Variants in FARS2 observed in about 807,000 individuals in gnomAD.
FARS2 encodes phenylalanine--tRNA ligase, mitochondrial.
Under a neutral mutation model 46.4 loss-of-function variants are expected in FARS2, and 40 were observed. The ratio of observed to expected loss-of-function variants is 0.86; its 90% CI spans 0.67 to 1.12. The LOEUF (loss-of-function observed/expected upper bound fraction) is 1.12, where lower values mean the gene tolerates loss of function less well. FARS2 is among the 50% of genes most tolerant of loss of function. FARS2 has a pLI of 0.00. For missense variants in FARS2, 513 were observed against 567.9 expected (o/e 0.90, Z 0.98); for synonymous variants, 234 against 214.9 (o/e 1.09, Z -0.78).
rs557648675 is a variant in FARS2 at position 5,459,299 on chromosome 6, C to T, written c.904+28127C>T. 2.0e-4 allele frequency among the ~76,000 whole-genome samples: 31 copies of T among 152,294 alleles called. 2 individuals carry two copies. In the South Asian group the frequency reaches 6.2e-3, roughly 31 times the overall value. On this transcript the variant is annotated intron_variant, in intron 4 of 6. Transcript: ENST00000274680. ...GCTAAAAATGTTGGTATTTTCACAA[C>T]TCTTTTGGACAGAGTTCGTTGTTAG...
chr6:5,694,964 C>G (rs1308968018), intron 6 of FARS2: 1 of 152,216 alleles, frequency 6.6e-6, no homozygotes, highest in Non-Finnish European at 1.5e-5. Context: ...GAGCTATGCT[C>G]ACACTATTGC....
chr6:5,429,546 C>A (rs1763043226), intron 3 of FARS2, among the ~76,000 whole-genome samples: 1 of 152,150 alleles, frequency 6.6e-6, no homozygotes, highest in African/African-American at 2.4e-5. Context: ...TGGCTCCTGC[C>A]TATAATCCCA....
intron 6 of FARS2, among the ~76,000 whole-genome samples, chr6:5,668,664 A>G (rs1778271908): frequency 6.7e-6 from 1 of 148,264 alleles, no homozygotes; most frequent in African/African-American, 2.5e-5. Flanking sequence ...ACCTTGAGCA[A>G]GTTTCTTTTT....
At chr6:5,585,083 A>G (rs1235319222) in intron 5 of FARS2, among the ~76,000 whole-genome samples, 1 of 152,192 alleles carries the variant, frequency 6.6e-6, no homozygotes, top group Non-Finnish European at 1.5e-5. Flanking sequence ...GCTATATATG[A>G]AAAGCAAGCA....
intron 6 of FARS2, among the ~76,000 whole-genome samples, chr6:5,690,306 A>C (rs1231746905): frequency 1.3e-5 from 2 of 152,084 alleles, no homozygotes; most frequent in Admixed American, 6.5e-5. Context: ...TGGTCTTTAC[A>C]ATTTGGCATG....
Position 5,719,884 on chromosome 6 carries a change from A to G in FARS2, c.1218-51407A>G, listed in dbSNP as rs185144837. Among the ~76,000 whole-genome samples the G allele has an allele frequency of 4.4e-3, 665 of 152,346 alleles. 7 individuals carry two copies. Among genetic ancestry groups the G allele is most frequent in the African/African-American group, 0.015 (626 of 41,586 alleles). Reference sequence around the variant, plus strand: ...TTGCTTAAACTTGAGACAGCTTGCAATGTGGCTTCCGTTTAGTGTGACACA... The same window carrying G: ...TTGCTTAAACTTGAGACAGCTTGCAGTGTGGCTTCCGTTTAGTGTGACACA... On this transcript the variant is annotated intron_variant, in intron 6 of 6. Coordinates refer to ENST00000274680, the MANE Select transcript of FARS2 (RefSeq NM_006567.5).
intron 3 of FARS2, among the ~76,000 whole-genome samples, chr6:5,405,460 G>A (rs572621525): frequency 8.2e-5 from 12 of 146,676 alleles, no homozygotes; most frequent in African/African-American, 2.5e-4. Context: ...ACATGAGGAC[G>A]TGATCAGTGG....
At position 5,717,929 on chromosome 6, in the gene FARS2, T is replaced by TAGAGAGAGAGAGAGAGAGAGAG. The variant is rs372348270; in HGVS notation, c.1218-53361_1218-53360insGAGAGAGAGAGAGAGAGAGAGA. Among the ~76,000 whole-genome samples, 67 of 105,032 alleles carry TAGAGAGAGAGAGAGAGAGAGAG rather than the reference T, an allele frequency of 6.4e-4. 2 individuals are homozygous for TAGAGAGAGAGAGAGAGAGAGAG. The highest frequency in any genetic ancestry group is 9.0e-4 in the African/African-American group (15 of 16,722). The allele number at this position is 105,032 out of a possible 152,430, so 68.9% of individuals were successfully genotyped here. ...TCAGCTATATATATATATATATATA[T>TAGAGAGAGAGAGAGAGAGAGAG]ATATATACAGAGTCTCACTCTGTCG... On this transcript the variant is annotated intron_variant, in intron 6 of 6. Transcript: ENST00000274680.
intron 5 of FARS2, among the ~76,000 whole-genome samples, chr6:5,548,566 G>T (rs1346196132): frequency 6.6e-6 from 1 of 152,122 alleles, no homozygotes. Context: ...TATATTGTCA[G>T]TTATTTAATC....
At position 5,312,260 on chromosome 6, in the gene FARS2, A is replaced by T. The variant is rs933656278; in HGVS notation, c.-22+50600A>T. Among the ~76,000 whole-genome samples, 3 of 152,334 alleles carry T rather than the reference A, an allele frequency of 2.0e-5. No homozygotes were observed. The South Asian group carries it at 6.2e-4, about 32-fold the overall frequency. On this transcript the variant is annotated intron_variant, in intron 1 of 6. Coordinates refer to ENST00000274680, the MANE Select transcript of FARS2 (RefSeq NM_006567.5). ...CAGAAATTGAAGTATAAAAATTTTA[A>T]TAAGAATTTATTTTAGGCTTTGCTT...
chr6:5,308,513 C>T (rs1403718933), intron 1 of FARS2, among the ~76,000 whole-genome samples: 2 of 152,196 alleles, frequency 1.3e-5, no homozygotes, highest in Admixed American at 1.3e-4. Flanking sequence ...TACACTGATA[C>T]TGTTATAGAA....
chr6:5,759,017 G>A (rs1189455883), intron 6 of FARS2, among the ~76,000 whole-genome samples: 1 of 152,178 alleles, frequency 6.6e-6, no homozygotes, highest in Non-Finnish European at 1.5e-5. Context: ...CCCTGAGATG[G>A]TGGTGCTCTA....
Position 5,279,214 on chromosome 6 carries a change from A to G in FARS2, c.-22+17554A>G, listed in dbSNP as rs535304025. On this transcript the variant is annotated intron_variant, in intron 1 of 6. Coordinates refer to ENST00000274680, the MANE Select transcript of FARS2 (RefSeq NM_006567.5). ...AACACGGTGAAACCCCGTCTCTACT[A>G]AAAATACAAAAAATTAGCCGGGCAT... Among the ~76,000 whole-genome samples the G allele has an allele frequency of 6.6e-5, 10 of 151,970 alleles. No individual in the cohort carries two copies. In the South Asian group the frequency reaches 2.1e-3, roughly 32 times the overall value.
At chr6:5,253,000 T>C in the FARS2 span, among the ~76,000 whole-genome samples, 1 of 152,254 alleles carries the variant, frequency 6.6e-6, no homozygotes, top group African/African-American at 2.4e-5. Flanking sequence ...AAGGTGGCAC[T>C]TAGGAGACCA....
intron 2 of FARS2, among the ~76,000 whole-genome samples, chr6:5,386,401 A>T (rs945670835): frequency 1.3e-5 from 2 of 152,190 alleles, no homozygotes; most frequent in Non-Finnish European, 2.9e-5. Flanking sequence ...CAGTTTAAAA[A>T]GAATGAGGAG....
rs569207218 is a variant in FARS2 at position 5,687,195 on chromosome 6, T to G, written c.1217+73875T>G. 2.4e-3 allele frequency among the ~76,000 whole-genome samples: 365 copies of G among 152,358 alleles called. 1 individual carries two copies. The highest frequency in any genetic ancestry group is 6.8e-3 in the Middle Eastern group (2 of 294). The stretch of plus-strand genomic sequence containing the variant: ...TTTCTTTTGCTGTGCAGAAGCTCTT[T>G]AGTTTAATTAGATCCCATTTGTCAA... On this transcript the variant is annotated intron_variant, in intron 6 of 6. Transcript: ENST00000274680.
intron 1 of FARS2, among the ~76,000 whole-genome samples, chr6:5,284,859 C>T (rs752548294): frequency 3.9e-5 from 6 of 152,182 alleles, no homozygotes; most frequent in Non-Finnish European, 7.3e-5. Flanking sequence ...CTTTCGACTC[C>T]GGTGATCACT....
At chr6:5,702,653 G>A (rs1321953100) in intron 6 of FARS2, among the ~76,000 whole-genome samples, 3 of 152,148 alleles carry the variant, frequency 2.0e-5, no homozygotes, top group Non-Finnish European at 4.4e-5. Flanking sequence ...CATAGTTGGG[G>A]AGTTTTTGTT....
At chr6:5,596,528 G>A (rs943086300) in intron 5 of FARS2, among the ~76,000 whole-genome samples, 1 of 152,214 alleles carries the variant, frequency 6.6e-6, no homozygotes, top group African/African-American at 2.4e-5. Flanking sequence ...TTGCATAAGG[G>A]AAATTAATCA....
Sources: gnomAD v4.1 joint callset for allele counts (sites outside exome capture counted in the v4.1 genomes callset) on GRCh38, gnomAD v4.1.1 for gene constraint, MANE v1.5 for transcripts, NCBI Gene and HGNC (gene_info 2026-07-23, HGNC 2026-07-21) for gene names.